The following MINDY4 variants were observed in gnomAD, a reference collection of about 807,000 sequenced individuals.
MINDY4 encodes the protein MINDY lysine 48 deubiquitinase 4, also known as probable ubiquitin carboxyl-terminal hydrolase MINDY-4.
MINDY4 carries 68 observed loss-of-function variants against 87.0 expected under a neutral mutation model. The observed-to-expected ratio is 0.78, with a 90% CI of 0.64 to 0.96. The LOEUF (loss-of-function observed/expected upper bound fraction) is 0.96, where lower values mean the gene tolerates loss of function less well. Among genes scored for constraint, MINDY4 ranks in the 40% least tolerant of loss-of-function variants. The probability of loss-of-function intolerance (pLI) is 0.00; values close to 1 mark genes in which losing one functional copy is unlikely to be tolerated. For synonymous variants in MINDY4, 379 were observed against 363.2 expected (o/e 1.04, Z -0.50); for missense variants, 919 against 928.2 (o/e 0.99, Z 0.13).
intron 3 of MINDY4, among the ~76,000 whole-genome samples, chr7:30,784,789 T>C (rs1787109134): frequency 6.6e-6 from 1 of 152,068 alleles, no homozygotes; most frequent in Non-Finnish European, 1.5e-5. Context: ...ATCACAAGGC[T>C]GGTTCCAGCC....
At chr7:30,831,038 G>A (rs749588671) in intron 6 of MINDY4, among the ~76,000 whole-genome samples, 14 of 152,144 alleles carry the variant, frequency 9.2e-5, no homozygotes, top group Admixed American at 2.6e-4. Context: ...CTAGGGCTGC[G>A]CATTTGGGGG....
intron 5 of MINDY4, among the ~76,000 whole-genome samples, chr7:30,824,643 A>T (rs900734168): frequency 6.6e-6 from 1 of 152,276 alleles, no homozygotes; most frequent in South Asian, 2.1e-4. Flanking sequence ...GCGTGATCAT[A>T]GCTCACTGCA....
chr7:30,856,162 A>G (rs1008836605), intron 12 of MINDY4, among the ~76,000 whole-genome samples: 42 of 152,182 alleles, frequency 2.8e-4, no homozygotes, highest in African/African-American at 9.6e-4. Flanking sequence ...GCAGAGTAGC[A>G]CTGGAAGAAT....
At chr7:30,827,713 A>G (rs900886791) in intron 5 of MINDY4, among the ~76,000 whole-genome samples, 1 of 152,158 alleles carries the variant, frequency 6.6e-6, no homozygotes, top group African/African-American at 2.4e-5. Flanking sequence ...TGGAGTCTGA[A>G]GAAGTGTGTA....
At chr7:30,874,077 C>T (rs1477687947) in intron 14 of MINDY4, among the ~76,000 whole-genome samples, 1 of 152,240 alleles carries the variant, frequency 6.6e-6, no homozygotes, top group Non-Finnish European at 1.5e-5. Flanking sequence ...ATAAACTCTA[C>T]CCTCCAGAGT....
At chr7:30,825,802 T>A (rs1309592171) in intron 5 of MINDY4, among the ~76,000 whole-genome samples, 1 of 152,244 alleles carries the variant, frequency 6.6e-6, no homozygotes, top group Non-Finnish European at 1.5e-5. Context: ...TTACCATGTG[T>A]ATTAGTTTAC....
At chr7:30,771,733 C>G (rs1786641818) in intron 1 of MINDY4, among the ~76,000 whole-genome samples, 177 bp downstream of exon 1, 1 of 152,240 alleles carries the variant, frequency 6.6e-6, no homozygotes, top group Non-Finnish European at 1.5e-5. Flanking sequence ...ACATTTCCCA[C>G]GAGGCGTTTC....
intron 5 of MINDY4, among the ~76,000 whole-genome samples, chr7:30,810,276 A>C (rs956357599): frequency 6.6e-6 from 1 of 151,708 alleles, no homozygotes; most frequent in Admixed American, 6.6e-5. Context: ...AAAATGTTAT[A>C]AAAAAATTTA....
intron 17 of MINDY4, among the ~76,000 whole-genome samples, chr7:30,887,628 A>G (rs9692382): frequency 0.096 from 14,536 of 152,138 alleles, 1,512 homozygotes; most frequent in African/African-American, 0.25. Flanking sequence ...GGGCGGGGCC[A>G]CTCCCTAAGC....
intron 13 of MINDY4, among the ~76,000 whole-genome samples, chr7:30,860,757 G>T (rs1342601555): frequency 6.6e-6 from 1 of 152,110 alleles, no homozygotes; most frequent in Non-Finnish European, 1.5e-5. Flanking sequence ...AGGGGCTTCA[G>T]GGTTCCATGC....
chr7:30,875,558 C>T lies in MINDY4; in HGVS notation c.1873C>T (p.Leu625=). 3 of 1,614,240 alleles carry T rather than the reference C, an allele frequency of 1.9e-6. No homozygotes were observed. Among genetic ancestry groups the T allele is most frequent in the Non-Finnish European group, 2.5e-6 (3 of 1,180,048 alleles). The change falls in exon 15 of 18, where the codon CTG becomes TTG. Residue 625 remains leucine (L), a synonymous_variant. Coordinates refer to ENST00000265299, the MANE Select transcript of MINDY4 (RefSeq NM_032222.3). ...CAACGTTTTCAACGATGTGGTTGAG[C>T]TGGATTCTGGGGATGGGAACATCAC... is the stretch of plus-strand genomic sequence containing the variant. The part of the protein sequence containing the change: ...VSNVFNDVVE[L]DSGDGNITLL...
At chr7:30,814,626 A>ATTATTATT (rs1788096285) in intron 5 of MINDY4, among the ~76,000 whole-genome samples, 1 of 152,256 alleles carries the variant, frequency 6.6e-6, no homozygotes, top group African/African-American at 2.4e-5. Context: ...GGTGTTGCTT[A>ATTATTATT]GATAAGCAAT....
At chr7:30,886,479 G>C (rs1790635221) in intron 17 of MINDY4, among the ~76,000 whole-genome samples, 1 of 152,206 alleles carries the variant, frequency 6.6e-6, no homozygotes, top group Admixed American at 6.5e-5. Flanking sequence ...CTACAGAAAG[G>C]CCTTTGGGCA....
chr7:30,826,716 G>A (rs985928548), intron 5 of MINDY4, among the ~76,000 whole-genome samples: 1 of 152,150 alleles, frequency 6.6e-6, no homozygotes, highest in South Asian at 2.1e-4. Context: ...GTGCTGCCAC[G>A]GGATAGGGTT....
At chr7:30,778,311 C>A in intron 1 of MINDY4, 121 bp from the exon 2 acceptor site, 2 of 1,258,682 alleles carry the variant, frequency 1.6e-6, no homozygotes, top group Non-Finnish European at 2.2e-6. Context: ...AAGGTGATGT[C>A]AAGTGTAAAG....
chr7:30,872,588 C>A (rs1790139279), intron 14 of MINDY4, among the ~76,000 whole-genome samples: 1 of 152,204 alleles, frequency 6.6e-6, no homozygotes, highest in African/African-American at 2.4e-5. Flanking sequence ...TGAACTCAGA[C>A]CAAAGTGCTA....
At position 30,797,922 on chromosome 7, in the gene MINDY4, G is replaced by A. The variant is rs990082715; in HGVS notation, c.1073+6348G>A. Among the ~76,000 whole-genome samples the A allele has an allele frequency of 2.6e-5, 4 of 152,292 alleles. No individual in the cohort carries two copies. The East Asian group carries it at 7.7e-4, about 29-fold the overall frequency. ...TATACATACATACAGACATACATCA[G>A]CAGGGCTATGTTCTGAGAAGTGCAT... is the stretch of plus-strand genomic sequence containing the variant. On this transcript the variant is annotated intron_variant, in intron 5 of 17. Coordinates refer to ENST00000265299, the MANE Select transcript of MINDY4 (RefSeq NM_032222.3).
At chr7:30,845,392 A>G (rs778765674) in intron 9 of MINDY4, among the ~76,000 whole-genome samples, 2 of 152,048 alleles carry the variant, frequency 1.3e-5, no homozygotes, top group East Asian at 1.9e-4. Context: ...ATTGACTTAT[A>G]TAGTTTTCAC....
intron 5 of MINDY4, among the ~76,000 whole-genome samples, chr7:30,810,174 C>CAAAAAAAAAA (rs58498956): frequency 3.0e-5 from 2 of 66,696 alleles, no homozygotes; most frequent in Non-Finnish European, 5.3e-5. Context: ...GACTCTGTTT[C>CAAAAAAAAAA]AAAAAAAAAA....
Sources: allele counts gnomAD v4.1 joint callset (sites outside exome capture counted in the v4.1 genomes callset), GRCh38; gene constraint gnomAD v4.1.1; transcripts MANE v1.5; gene names NCBI Gene and HGNC (gene_info 2026-07-23, HGNC 2026-07-21).